The following COL6A5 variants were observed in gnomAD, a reference collection of about 807,000 sequenced individuals.
The protein encoded by COL6A5 is collagen type VI alpha 5 chain, also known as collagen alpha-5(VI) chain.
A neutral mutation model predicts 65.6 loss-of-function variants in COL6A5; 48 were observed. The observed-to-expected ratio is 0.73, with a 90% CI of 0.58 to 0.93. COL6A5 has a LOEUF of 0.93. Ranked by LOEUF, COL6A5 falls within the 40% of genes least tolerant of loss-of-function variation. COL6A5 has a pLI of 0.00. For missense variants in COL6A5, 914 were observed against 928.3 expected (o/e 0.98, Z 0.20); for synonymous variants, 291 against 322.8 (o/e 0.90, Z 1.05).
exon 4 of COL6A5, chr3:130,379,918 G>T: frequency 3.9e-6 from 6 of 1,551,336 alleles, no homozygotes; most frequent in Non-Finnish European, 5.2e-6. Flanking sequence ...TTATCCTCCA[G>T]AACAGACAAT....
rs770039928 is a variant in COL6A5 at position 130,469,327 on chromosome 3, T to A, written c.2079T>A (p.Phe693Leu). The A allele has an allele frequency of 8.7e-6, 14 of 1,613,012 alleles. No individual in the cohort carries two copies. The highest frequency in any genetic ancestry group is 8.0e-5 in the African/African-American group (6 of 74,986). ...CCAAGTGTCAAGGCTACTCCATATT[T>A]GTGTTTTCCTTTGGCCCTAAACACA... Residue 693 changes from phenylalanine (F) to leucine (L), a missense_variant, in exon 6 of 8, where the codon TTT becomes TTA. Coordinates refer to ENST00000512836, the Ensembl canonical transcript of COL6A5.
chr3:130,415,132 C>T (rs1263699856), intron 22 of COL6A5, among the ~76,000 whole-genome samples: 1 of 152,098 alleles, frequency 6.6e-6, no homozygotes, highest in Admixed American at 6.5e-5. Flanking sequence ...ACGTTACTGC[C>T]ACCTCTAGTT....
chr3:130,352,686 C>T (rs575043645), intron 1 of COL6A5, among the ~76,000 whole-genome samples: 1 of 152,240 alleles, frequency 6.6e-6, no homozygotes, highest in African/African-American at 2.4e-5. Context: ...ACTAGTGCAT[C>T]TCCTTAGTGG....
In COL6A5 at chr3:130,391,083, T is replaced by C. The variant is rs184334596; in HGVS notation, c.2417-96T>C. The C allele has an allele frequency of 9.0e-4, 735 of 815,486 alleles. 5 individuals carry two copies. In the African/African-American group the frequency reaches 0.011, roughly 12 times the overall value. The allele number at this position is 815,486 out of a possible 1,614,324, so 50.5% of individuals were successfully genotyped here. ...GTGAGATATAGTGTCTGACACATAG[T>C]AGGCTCATGGCAAATGCCAGTTCGC... On this transcript the variant is annotated intron_variant and NMD_transcript_variant, in intron 6 of 41. Coordinates refer to the COL6A5 transcript ENST00000312481.
At chr3:130,417,096 C>A (rs1385370457) in intron 24 of COL6A5, among the ~76,000 whole-genome samples, 1 of 151,718 alleles carries the variant, frequency 6.6e-6, no homozygotes, top group Non-Finnish European at 1.5e-5. Flanking sequence ...GCCCCCACCC[C>A]CCGACAGACC....
intron 4 of COL6A5, among the ~76,000 whole-genome samples, chr3:130,451,662 C>A (rs901023941): frequency 2.0e-5 from 3 of 152,006 alleles, no homozygotes; most frequent in African/African-American, 7.2e-5. Context: ...CATGTGCCGG[C>A]TTTTCATGAA....
chr3:130,393,396 C>T (rs1211160181), intron 7 of COL6A5, among the ~76,000 whole-genome samples: 1 of 152,126 alleles, frequency 6.6e-6, no homozygotes, highest in African/African-American at 2.4e-5. Context: ...AACTCTCACT[C>T]CTTCTATTTT....
intron 1 of COL6A5, among the ~76,000 whole-genome samples, chr3:130,368,482 G>C (rs1273586661): frequency 6.6e-6 from 1 of 152,126 alleles, no homozygotes; most frequent in Non-Finnish European, 1.5e-5. Flanking sequence ...GAAGAGTCCA[G>C]TCCTGCCTTC....
At chr3:130,347,952 T>A (rs927039886) in intron 1 of COL6A5, among the ~76,000 whole-genome samples, 2 of 152,184 alleles carry the variant, frequency 1.3e-5, no homozygotes, top group Non-Finnish European at 2.9e-5. Context: ...AAGGGCTGAC[T>A]GGTGGTGCAT....
intron 1 of COL6A5, among the ~76,000 whole-genome samples, chr3:130,351,984 A>T (rs1468824855): frequency 6.6e-6 from 1 of 152,230 alleles, no homozygotes; most frequent in Non-Finnish European, 1.5e-5. Flanking sequence ...GCCATAAAAA[A>T]GGATGAGTTC....
chr3:130,450,081 CTGGGACCCATTTGGTTTGT>C (rs71158194), intron 4 of COL6A5, among the ~76,000 whole-genome samples: 128,758 of 150,912 alleles, frequency 0.85, 55,883 homozygotes, highest in Non-Finnish European at 0.93. Flanking sequence ...GAAGGAGAGG[CTGGGACCCATTTGGTTTGT>C]TGGGACCCAT....
intron 4 of COL6A5, among the ~76,000 whole-genome samples, chr3:130,449,642 C>T (rs780223712): frequency 7.2e-5 from 11 of 152,092 alleles, no homozygotes; most frequent in East Asian, 1.9e-4. Flanking sequence ...CTTTTTTCCT[C>T]GAATGTGTAT....
chr3:130,368,683 A>AGT (rs1935435157), intron 1 of COL6A5, among the ~76,000 whole-genome samples: 1 of 152,084 alleles, frequency 6.6e-6, no homozygotes, highest in Non-Finnish European at 1.5e-5. Context: ...GGCTAGAATG[A>AGT]GTGTCTGGGT....
rs201193483 is a variant in COL6A5 at position 130,404,188 on chromosome 3, CAG to C, written c.4281+529_4281+530del. On this transcript the variant is annotated intron_variant and NMD_transcript_variant, in intron 13 of 41. Transcript: ENST00000312481. ...CATGGCTTCACGGTCAAATGCTACA[CAG>C]AGGTTTGCGAATCTCTGTGTTTGAA... 7.1e-3 allele frequency among the ~76,000 whole-genome samples: 1,077 copies of C among 152,306 alleles called. 16 individuals are homozygous for C. The highest frequency in any genetic ancestry group is 0.025 in the African/African-American group (1,025 of 41,560).
At chr3:130,387,357 A>C (rs1435651518) in intron 5 of COL6A5, among the ~76,000 whole-genome samples, 3 of 152,132 alleles carry the variant, frequency 2.0e-5, no homozygotes, top group Non-Finnish European at 2.9e-5. Context: ...CAGGGACATT[A>C]AGTAGTTTCT....
chr3:130,382,297 A>G (rs937485659), intron 4 of COL6A5, among the ~76,000 whole-genome samples: 1 of 152,134 alleles, frequency 6.6e-6, no homozygotes, highest in Admixed American at 6.6e-5. Flanking sequence ...GGGAATGTAA[A>G]TTTCTGGACA....
intron 4 of COL6A5, among the ~76,000 whole-genome samples, chr3:130,448,306 C>G (rs373059434): frequency 6.6e-6 from 1 of 152,136 alleles, no homozygotes; most frequent in Non-Finnish European, 1.5e-5. Context: ...CTTTCCTCTA[C>G]GAATTCCAGT....
chr3:130,396,875 T>A (rs992930633), intron 8 of COL6A5, among the ~76,000 whole-genome samples: 3 of 152,220 alleles, frequency 2.0e-5, no homozygotes, highest in Non-Finnish European at 4.4e-5. Flanking sequence ...TGTTTTTTAT[T>A]TTTTTGAGAT....
At chr3:130,394,744 A>T in intron 7 of COL6A5, 146 bp from the exon 8 acceptor site, 1 of 611,006 alleles carries the variant, frequency 1.6e-6, no homozygotes, top group Non-Finnish European at 2.8e-6. Flanking sequence ...CTTTTTGAGG[A>T]TCAGTGATTC....
Sources: gnomAD v4.1 joint callset for allele counts (sites outside exome capture counted in the v4.1 genomes callset) on GRCh38, gnomAD v4.1.1 for gene constraint, MANE v1.5 for transcripts, NCBI Gene and HGNC (gene_info 2026-07-23, HGNC 2026-07-21) for gene names.